The following CCDC171 variants were observed in gnomAD, a reference collection of about 807,000 sequenced individuals.
The protein encoded by CCDC171 is coiled-coil domain containing 171, also known as coiled-coil domain-containing protein 171.
Under a neutral mutation model 168.2 loss-of-function variants are expected in CCDC171, and 177 were observed. The observed-to-expected ratio is 1.05, with a 90% CI of 0.93 to 1.19. The LOEUF is 1.19. Ranked by LOEUF, CCDC171 falls within the 50% of genes most tolerant of loss-of-function variation. CCDC171 has a pLI of 0.00. For missense variants in CCDC171, 1,991 were observed against 1,539.0 expected, an observed-to-expected ratio of 1.29 and a Z score of -4.91; for synonymous variants, 687 against 540.8, an observed-to-expected ratio of 1.27 and a Z score of -3.75.
intron 7 of CCDC171, among the ~76,000 whole-genome samples, chr9:15,639,639 T>C (rs1247859425): frequency 1.3e-5 from 2 of 152,160 alleles, no homozygotes; most frequent in Non-Finnish European, 2.9e-5. Flanking sequence ...TGTCCTCATA[T>C]ATCCCTTCTG....
chr9:15,604,208 C>T (rs2043063944), intron 6 of CCDC171, among the ~76,000 whole-genome samples: 1 of 151,768 alleles, frequency 6.6e-6, no homozygotes, highest in Non-Finnish European at 1.5e-5. Context: ...TGCCTGTTTG[C>T]TCTGATGATA....
In CCDC171 at chr9:15,745,539, G is replaced by A; in HGVS notation, c.2579G>A (p.Cys860Tyr). Residue 860 changes from cysteine (C) to tyrosine (Y), a missense_variant, in exon 18 of 26, where the codon TGT (cysteine) becomes TAT (tyrosine). Physicochemically the swap from Cys to Tyr is radical, Grantham distance 194. Transcript: ENST00000380701. ...FPKHQKEQLR[C>Y]LQALSWLTSS... ...GAACATCAAAAGGAGCAGTTGCGTT[G>A]TTTACAAGCGCTCAGTTGGCTCACC... 1 of 1,587,086 alleles carries A rather than the reference G, an allele frequency of 6.3e-7. No homozygotes were observed. Among genetic ancestry groups the A allele is most frequent in the South Asian group, 1.2e-5 (1 of 86,190 alleles).
chr9:15,572,151 G>A (rs1024746314), intron 3 of CCDC171, among the ~76,000 whole-genome samples: 2 of 152,060 alleles, frequency 1.3e-5, no homozygotes, highest in African/African-American at 4.8e-5. Context: ...TCATAGTTCA[G>A]TTCATAAATT....
chr9:15,808,986 A>T (rs2059203467), intron 21 of CCDC171, among the ~76,000 whole-genome samples: 1 of 152,040 alleles, frequency 6.6e-6, no homozygotes. Context: ...GGAAAGCGGC[A>T]AGGCAGCTCT....
At chr9:15,733,583 G>T (rs1056694669) in intron 16 of CCDC171, among the ~76,000 whole-genome samples, 1 of 149,708 alleles carries the variant, frequency 6.7e-6, no homozygotes, top group African/African-American at 2.5e-5. Flanking sequence ...TCAGTTCACT[G>T]TTTGTGTCAA....
chr9:15,773,984 G>A (rs529561565), intron 18 of CCDC171, among the ~76,000 whole-genome samples: 2 of 152,188 alleles, frequency 1.3e-5, no homozygotes, highest in South Asian at 2.1e-4. Context: ...GGTGGCTCAC[G>A]CCTGTAATCC....
chr9:15,748,514 A>G (rs924576037), intron 18 of CCDC171, among the ~76,000 whole-genome samples: 5 of 152,194 alleles, frequency 3.3e-5, no homozygotes, highest in African/African-American at 1.2e-4. Context: ...CCCAAGACAC[A>G]TAATCGATAG....
intron 10 of CCDC171, among the ~76,000 whole-genome samples, chr9:15,687,349 TG>T (rs2050470191): frequency 6.6e-6 from 1 of 152,100 alleles, no homozygotes; most frequent in African/African-American, 2.4e-5. Flanking sequence ...CCTAGCTACT[TG>T]GAAGGCTGAG....
At chr9:15,687,120 C>T (rs1380278991) in intron 10 of CCDC171, among the ~76,000 whole-genome samples, 3 of 152,090 alleles carry the variant, frequency 2.0e-5, no homozygotes, top group African/African-American at 7.2e-5. Flanking sequence ...AGGAAACATT[C>T]ACAAATATGT....
intron 7 of CCDC171, among the ~76,000 whole-genome samples, chr9:15,634,967 T>C (rs1050320959): frequency 4.6e-5 from 7 of 152,198 alleles, no homozygotes; most frequent in Admixed American, 3.3e-4. Context: ...GCAGCATGTA[T>C]TAGTGCTTCA....
At chr9:15,957,834 T>C (rs1829955978) in intron 25 of CCDC171, among the ~76,000 whole-genome samples, 1 of 152,176 alleles carries the variant, frequency 6.6e-6, no homozygotes, top group African/African-American at 2.4e-5. Flanking sequence ...CTCTTATCTT[T>C]TGTCATAGGC....
intron 1 of CCDC171, among the ~76,000 whole-genome samples, chr9:16,058,118 G>C (rs1489846412): frequency 3.9e-5 from 6 of 151,988 alleles, no homozygotes; most frequent in African/African-American, 1.4e-4. Flanking sequence ...ATTCACATGA[G>C]GGGGACTATC....
chr9:16,100,329 A>C, the CCDC171 span, among the ~76,000 whole-genome samples: 15 of 152,132 alleles, frequency 9.9e-5, no homozygotes, highest in Non-Finnish European at 2.1e-4. Context: ...CCGAGTAAAA[A>C]CGCCATGCAT....
the CCDC171 span, among the ~76,000 whole-genome samples, chr9:16,084,660 A>G: frequency 6.6e-6 from 1 of 152,298 alleles, no homozygotes; most frequent in Admixed American, 6.5e-5. Flanking sequence ...ATCAATGATG[A>G]ATACCTCCGG....
chr9:15,913,910 G>A (rs1824089308), intron 24 of CCDC171, among the ~76,000 whole-genome samples: 1 of 152,200 alleles, frequency 6.6e-6, no homozygotes, highest in South Asian at 2.1e-4. Flanking sequence ...CTCTTCTGCA[G>A]GTCTCCTGGA....
intron 23 of CCDC171, among the ~76,000 whole-genome samples, chr9:15,871,387 A>G (rs757395286): frequency 2.6e-5 from 4 of 151,888 alleles, no homozygotes; most frequent in Admixed American, 6.6e-5. Flanking sequence ...TTTTGAAATT[A>G]TAATTTAATC....
intron 24 of CCDC171, among the ~76,000 whole-genome samples, chr9:15,896,218 A>G (rs1820877324): frequency 6.6e-6 from 1 of 152,014 alleles, no homozygotes; most frequent in Non-Finnish European, 1.5e-5. Context: ...TTGAAAAAGT[A>G]TTGGTCTTAT....
intron 4 of CCDC171, among the ~76,000 whole-genome samples, chr9:15,587,036 C>G (rs1269087226): frequency 1.3e-5 from 2 of 152,104 alleles, no homozygotes; most frequent in East Asian, 1.9e-4. Flanking sequence ...TGGTGTCAAA[C>G]CCTTGGCCAC....
upstream of CCDC171, among the ~76,000 whole-genome samples, chr9:16,040,330 G>T (rs573102357): frequency 2.4e-3 from 371 of 152,268 alleles, 2 homozygotes; most frequent in African/African-American, 8.3e-3. Context: ...GCAGATTGAT[G>T]GACTGTCATC....
Sources: allele counts gnomAD v4.1 joint callset (sites outside exome capture counted in the v4.1 genomes callset), GRCh38; gene constraint gnomAD v4.1.1; transcripts MANE v1.5; gene names NCBI Gene and HGNC (gene_info 2026-07-23, HGNC 2026-07-21).